IQCH: variants seen among roughly 807,000 people sequenced by gnomAD.
IQCH encodes IQ domain-containing protein H.
Under a neutral mutation model 117.0 loss-of-function variants are expected in IQCH, and 98 were observed. The ratio of observed to expected loss-of-function variants is 0.84; its 90% CI spans 0.71 to 0.99. The LOEUF (loss-of-function observed/expected upper bound fraction) is 0.99. IQCH is among the 50% of genes least tolerant of loss of function. The pLI is 0.00. For synonymous variants in IQCH, 412 were observed against 448.2 expected (o/e 0.92, Z 1.02); for missense variants, 1,102 against 1,243.8 (o/e 0.89, Z 1.72).
chr15:67,261,475 T>A, intron 2 of IQCH, 81 bp downstream of exon 2: 11 of 1,200,042 alleles, frequency 9.2e-6, no homozygotes, highest in Non-Finnish European at 1.3e-5. Flanking sequence ...TCTCATAGAG[T>A]CCTGCATAAT....
At position 67,297,629 on chromosome 15, in the gene IQCH, A is replaced by G. The variant is rs141338095; in HGVS notation, c.387+18117A>G. On this transcript the variant is annotated intron_variant, in intron 4 of 20. Transcript: ENST00000335894. Reference sequence around the variant, plus strand: ...TAACAACAATTCACTAATATTGTATAATTCCCAGTCCATGCGCAATTTTCC... The same window carrying G: ...TAACAACAATTCACTAATATTGTATGATTCCCAGTCCATGCGCAATTTTCC... Among the ~76,000 whole-genome samples the G allele has an allele frequency of 8.6e-4, 131 of 152,292 alleles. No individual in the cohort carries two copies. In the East Asian group the frequency reaches 0.024, roughly 28 times the overall value.
intron 16 of IQCH, among the ~76,000 whole-genome samples, chr15:67,449,166 C>T (rs577297202): frequency 6.6e-6 from 1 of 151,908 alleles, no homozygotes; most frequent in Non-Finnish European, 1.5e-5. Flanking sequence ...TTCTCCCATT[C>T]TGTAGGTTGC....
intron 4 of IQCH, among the ~76,000 whole-genome samples, chr15:67,322,755 A>G (rs1968197414): frequency 6.6e-6 from 1 of 150,746 alleles, no homozygotes; most frequent in South Asian, 2.1e-4. Context: ...TTATTGAGCA[A>G]CAGAACAGCT....
chr15:67,360,220 G>T, intron 8 of IQCH: 1 of 299,690 alleles, frequency 3.3e-6, no homozygotes, highest in Non-Finnish European at 6.2e-6. Flanking sequence ...CACTTAAAAA[G>T]AAATAAAATG....
intron 16 of IQCH, among the ~76,000 whole-genome samples, chr15:67,461,691 C>CA (rs1371496754): frequency 6.6e-6 from 1 of 152,208 alleles, no homozygotes; most frequent in Non-Finnish European, 1.5e-5. Flanking sequence ...GCTCTAGAAA[C>CA]AGAGTTCTGG....
rs1290033331 is a variant in IQCH, at chr15:67,401,413, G to T, written c.2097+1108G>T. 6.6e-6 allele frequency among the ~76,000 whole-genome samples: 1 copy of T among 152,178 alleles called. No homozygotes were observed. Among genetic ancestry groups the T allele is most frequent in the Non-Finnish European group, 1.5e-5 (1 of 68,038 alleles). Reference sequence around the variant, plus strand: ...CTGACCTGCTGGTTAAAGCATAACCGATTAGGAAAATCACAATGCAAATTC... The same window carrying T: ...CTGACCTGCTGGTTAAAGCATAACCTATTAGGAAAATCACAATGCAAATTC... On this transcript the variant is annotated intron_variant, in intron 14 of 20. Transcript: ENST00000335894. This position sits in a 1 kb window ranked among gnomAD's most constrained non-coding sequence, Gnocchi z 4.7.
Position 67,463,366 on chromosome 15 carries a change from T to G in IQCH, c.2506-1761T>G, listed in dbSNP as rs889791288. ...TCTTATATTAAACACAAACATGTTCTGATCCTCTGCAACTTTAGTTTTTAA... is the reference window on the plus strand; with the variant it reads ...TCTTATATTAAACACAAACATGTTCGGATCCTCTGCAACTTTAGTTTTTAA... On this transcript the variant is annotated intron_variant, in intron 16 of 20. Transcript: ENST00000335894. This position sits in a 1 kb window ranked among gnomAD's most constrained non-coding sequence, Gnocchi z 4.0. Among the ~76,000 whole-genome samples, 1 of 152,240 alleles carries G rather than the reference T, an allele frequency of 6.6e-6. No homozygotes were observed.
intron 4 of IQCH, among the ~76,000 whole-genome samples, chr15:67,327,693 C>T (rs916172821): frequency 6.6e-6 from 1 of 152,202 alleles, no homozygotes; most frequent in African/African-American, 2.4e-5. Flanking sequence ...AAACTCCAGA[C>T]TCTATGCTTG....
chr15:67,419,039 TC>T (rs1177353727), intron 15 of IQCH, among the ~76,000 whole-genome samples: 1 of 152,130 alleles, frequency 6.6e-6, no homozygotes, highest in Admixed American at 6.5e-5. Context: ...AGAAAGGCTT[TC>T]CCAGCGACTG....
chr15:67,287,002 A>C (rs75033948), intron 4 of IQCH, among the ~76,000 whole-genome samples: 1 of 152,150 alleles, frequency 6.6e-6, no homozygotes, highest in East Asian at 1.9e-4. Flanking sequence ...AATTTTATCA[A>C]ATACTTTTTC....
At chr15:67,292,886 C>T (rs565854518) in intron 4 of IQCH, among the ~76,000 whole-genome samples, 1 of 152,280 alleles carries the variant, frequency 6.6e-6, no homozygotes, top group South Asian at 2.1e-4. Flanking sequence ...CTTTCCAGTC[C>T]TGGATCTGTT....
chr15:67,377,321 A>G (rs1430498829), intron 10 of IQCH, among the ~76,000 whole-genome samples: 2 of 152,008 alleles, frequency 1.3e-5, no homozygotes, highest in African/African-American at 4.8e-5. Context: ...TTCAGAGTTT[A>G]TAGGCTGATC....
chr15:67,271,756 C>T (rs567498606), intron 3 of IQCH, among the ~76,000 whole-genome samples: 1 of 152,072 alleles, frequency 6.6e-6, no homozygotes, highest in East Asian at 1.9e-4. Context: ...TTTCTGTGGT[C>T]TCAATTGTTA....
In IQCH at chr15:67,490,623, C is replaced by T. The variant is rs2083624805; in HGVS notation, c.2861+559C>T. Among the ~76,000 whole-genome samples, 1 of 152,184 alleles carries T rather than the reference C, an allele frequency of 6.6e-6. No individual in the cohort carries two copies. The highest frequency in any genetic ancestry group is 1.5e-5 in the Non-Finnish European group (1 of 68,026). The stretch of plus-strand genomic sequence containing the variant: ...ACAACATATTATACCCAAATGCATA[C>T]ACAGATAAGGCACATCAGATCTCAC... On this transcript the variant is annotated intron_variant, in intron 19 of 20. Transcript: ENST00000335894. This position sits in a 1 kb window ranked among gnomAD's most constrained non-coding sequence, Gnocchi z 4.9.
intron 10 of IQCH, among the ~76,000 whole-genome samples, chr15:67,375,782 A>ATTTTTTTTTTTTTT (rs56656205): frequency 1.1e-5 from 1 of 90,372 alleles, no homozygotes; most frequent in Non-Finnish European, 2.2e-5. Flanking sequence ...TTTGTTTTGG[A>ATTTTTTTTTTTTTT]TTTTTTTTTT....
intron 10 of IQCH, among the ~76,000 whole-genome samples, chr15:67,375,792 T>C (rs1350568908): frequency 1.4e-5 from 2 of 147,254 alleles, no homozygotes; most frequent in Non-Finnish European, 3.0e-5. Flanking sequence ...ATTTTTTTTT[T>C]TTTTTTTTTT....
intron 10 of IQCH, among the ~76,000 whole-genome samples, chr15:67,377,122 A>G (rs1251775597): frequency 2.0e-5 from 3 of 151,344 alleles, no homozygotes; most frequent in Admixed American, 1.3e-4. Flanking sequence ...TCTCAAAAAA[A>G]AAAAAAAAAG....
At chr15:67,451,217 A>G (rs1295187748) in intron 16 of IQCH, among the ~76,000 whole-genome samples, 2 of 151,836 alleles carry the variant, frequency 1.3e-5, no homozygotes, top group Admixed American at 1.3e-4. Flanking sequence ...TTGTGTCTCT[A>G]TTTCCTTCAG....
Position 67,500,326 on chromosome 15 carries a change from T to C in IQCH, c.2971-307T>C, listed in dbSNP as rs944441395. On this transcript the variant is annotated intron_variant, in intron 20 of 20. Transcript: ENST00000335894. This position sits in a 1 kb window ranked among gnomAD's most constrained non-coding sequence, Gnocchi z 4.4. ...TCATGGATCAACATTTTTAACAAAA[T>C]AGAAGAAAATTTAATTACTAGAAAA... Among the ~76,000 whole-genome samples, 4 of 152,112 alleles carry C rather than the reference T, an allele frequency of 2.6e-5. No individual in the cohort carries two copies. The highest frequency in any genetic ancestry group is 9.7e-5 in the African/African-American group (4 of 41,436).
Sources: allele counts gnomAD v4.1 joint callset (sites outside exome capture counted in the v4.1 genomes callset), GRCh38; gene constraint gnomAD v4.1.1; non-coding constraint Gnocchi (gnomAD v3.1); transcripts MANE v1.5; gene names NCBI Gene and HGNC (gene_info 2026-07-23, HGNC 2026-07-21).